The following PSMD1 variants were observed in gnomAD, a reference collection of about 807,000 sequenced individuals.
The protein encoded by PSMD1 is proteasome 26S subunit, non-ATPase 1, also known as 26S proteasome non-ATPase regulatory subunit 1.
Under a neutral mutation model 119.0 loss-of-function variants are expected in PSMD1, and 18 were observed. The ratio of observed to expected loss-of-function variants is 0.15; its 90% CI spans 0.10 to 0.22. The LOEUF (loss-of-function observed/expected upper bound fraction) is 0.22. Ranked by LOEUF, PSMD1 falls within the 10% of genes least tolerant of loss-of-function variation. The pLI is 1.00. For synonymous variants in PSMD1, 374 were observed against 396.6 expected, an observed-to-expected ratio of 0.94 and a Z score of 0.68; for missense variants, 702 against 1,158.5, an observed-to-expected ratio of 0.61 and a Z score of 5.72.
chr2:231,073,917 T>G (rs922602079), intron 7 of PSMD1, among the ~76,000 whole-genome samples: 4 of 152,086 alleles, frequency 2.6e-5, no homozygotes, highest in African/African-American at 9.7e-5. Flanking sequence ...AAGTAGATCC[T>G]TTTACAGAAT....
At chr2:231,085,544 A>G (rs981833334) in intron 15 of PSMD1, among the ~76,000 whole-genome samples, 6 of 152,098 alleles carry the variant, frequency 3.9e-5, no homozygotes, top group African/African-American at 1.4e-4. Context: ...AATCCCAGCT[A>G]CTCTGGAAAG....
chr2:231,121,819 G>T (rs187624977), intron 16 of PSMD1, among the ~76,000 whole-genome samples: 14 of 152,206 alleles, frequency 9.2e-5, no homozygotes, highest in Non-Finnish European at 1.8e-4. Context: ...TCAATATCAT[G>T]TATTGAATGA....
At chr2:231,122,832 G>A (rs1695592411) in intron 16 of PSMD1, among the ~76,000 whole-genome samples, 1 of 152,080 alleles carries the variant, frequency 6.6e-6, no homozygotes, top group South Asian at 2.1e-4. Flanking sequence ...GACACTCTGA[G>A]CCAAACCATT....
intron 16 of PSMD1, among the ~76,000 whole-genome samples, chr2:231,094,631 G>A (rs918689414): frequency 6.6e-6 from 1 of 152,102 alleles, no homozygotes; most frequent in African/African-American, 2.4e-5. Flanking sequence ...ATGAGTAAGG[G>A]AATTATGTGG....
chr2:231,142,636 T>A (rs12615903), intron 17 of PSMD1, among the ~76,000 whole-genome samples: 6,846 of 152,242 alleles, frequency 0.045, 174 homozygotes, highest in East Asian at 0.11. Context: ...GACTTTTTTT[T>A]AATTATTTCT....
chr2:231,141,655 C>T (rs192897271), intron 17 of PSMD1, among the ~76,000 whole-genome samples: 1 of 151,704 alleles, frequency 6.6e-6, no homozygotes, highest in Admixed American at 6.6e-5. Flanking sequence ...ACAGCACTTA[C>T]CACCACCTGA....
intron 16 of PSMD1, chr2:231,123,604 A>C (rs766346933): frequency 1.2e-6 from 2 of 1,614,134 alleles, no homozygotes; most frequent in Admixed American, 3.3e-5. Flanking sequence ...TGCCCAGTGC[A>C]GTTTATTTCC....
intron 16 of PSMD1, among the ~76,000 whole-genome samples, chr2:231,120,827 G>A (rs78881833): frequency 0.022 from 3,401 of 152,258 alleles, 133 homozygotes; most frequent in African/African-American, 0.078. Flanking sequence ...TTGTACAAAC[G>A]TTAGAAGTCC....
intron 16 of PSMD1, among the ~76,000 whole-genome samples, chr2:231,119,944 G>A (rs374416524): frequency 2.7e-5 from 4 of 147,042 alleles, no homozygotes; most frequent in African/African-American, 9.9e-5. Flanking sequence ...ATATCTTCCC[G>A]TGTTACTTTT....
rs1694094825 is a variant in PSMD1 at position 231,073,736 on chromosome 2, T to G, written c.881+1321T>G. 2.0e-5 allele frequency among the ~76,000 whole-genome samples: 3 copies of G among 152,112 alleles called. No homozygotes were observed. In the South Asian group the frequency reaches 6.2e-4, roughly 31 times the overall value. Reference sequence around the variant, plus strand: ...TCTTAAATTAATGTTCTTATATCCCTAAGTATAATTTGTTTTTTGATGCTG... The same window carrying G: ...TCTTAAATTAATGTTCTTATATCCCGAAGTATAATTTGTTTTTTGATGCTG... On this transcript the variant is annotated intron_variant, in intron 7 of 24. Coordinates refer to ENST00000308696, the MANE Select transcript of PSMD1 (RefSeq NM_002807.4).
At chr2:231,156,566 AATAG>A (rs1331374227) in intron 19 of PSMD1, among the ~76,000 whole-genome samples, 3 of 152,070 alleles carry the variant, frequency 2.0e-5, no homozygotes, top group Non-Finnish European at 2.9e-5. Flanking sequence ...ATTTTGTTTT[AATAG>A]ATAAAGTTTT....
Position 231,072,198 on chromosome 2 carries a change from T to G in PSMD1, c.664T>G (p.Phe222Val). Residue 222 changes from phenylalanine (F) to valine (V), a missense_variant, in exon 7 of 25, where the codon TTC (phenylalanine) becomes GTC (valine). Around this residue, in one of 9 missense-constraint regions of PSMD1, gnomAD observed 32 missense variants for 77.1 expected, o/e 0.42. Coordinates refer to ENST00000308696, the MANE Select transcript of PSMD1 (RefSeq NM_002807.4). ...DFINVCQCLI[F>V]LDDPQAVSDI... is the part of the protein sequence containing the mutation. ...TTTATCTCCATTTCAGTGCTTAATT[T>G]TCTTAGATGATCCTCAGGCTGTGAG... 6.2e-7 allele frequency: 1 copy of G among 1,611,174 alleles called. No homozygotes were observed. Among genetic ancestry groups the G allele is most frequent in the Non-Finnish European group, 8.5e-7 (1 of 1,177,396 alleles).
chr2:231,156,136 T>C (rs982246608), intron 19 of PSMD1, among the ~76,000 whole-genome samples: 1 of 152,204 alleles, frequency 6.6e-6, no homozygotes, highest in Non-Finnish European at 1.5e-5. Context: ...AGGTTATCTG[T>C]ACTAAGTCTA....
intron 18 of PSMD1, among the ~76,000 whole-genome samples, chr2:231,147,572 G>A (rs1259158825): frequency 6.6e-6 from 1 of 152,166 alleles, no homozygotes; most frequent in African/African-American, 2.4e-5. Flanking sequence ...CATGTATCTT[G>A]TCATTTCAGC....
chr2:231,102,350 C>T (rs746306523), intron 16 of PSMD1, among the ~76,000 whole-genome samples: 6 of 152,100 alleles, frequency 3.9e-5, no homozygotes, highest in Non-Finnish European at 8.8e-5. Flanking sequence ...GACCCTTGAA[C>T]AATACGGGAG....
At position 231,161,514 on chromosome 2, in the gene PSMD1, G is replaced by A. The variant is rs755976442; in HGVS notation, c.2388+5G>A. Reference sequence around the variant, plus strand: ...GGCCTTAACAAGGACTTAAAGGTATGTCTGTGAGACCTCAGCTTTGTAGTA... The same window carrying A: ...GGCCTTAACAAGGACTTAAAGGTATATCTGTGAGACCTCAGCTTTGTAGTA... On this transcript the variant is annotated splice_donor_5th_base_variant and intron_variant, in intron 20 of 24. Transcript: ENST00000308696. 3.1e-6 allele frequency: 5 copies of A among 1,610,468 alleles called. No individual in the cohort carries two copies. The highest frequency in any genetic ancestry group is 2.2e-5 in the East Asian group (1 of 44,858).
At chr2:231,117,116 A>G (rs1393526315) in intron 16 of PSMD1, among the ~76,000 whole-genome samples, 4 of 152,182 alleles carry the variant, frequency 2.6e-5, no homozygotes, top group Middle Eastern at 3.5e-3. Context: ...TTTAGTTAGT[A>G]TTAATTTAGC....
chr2:231,157,430 C>CTTTTTTTTTTTTTTTTTTTTT (rs756874279), intron 19 of PSMD1, among the ~76,000 whole-genome samples: 1 of 128,890 alleles, frequency 7.8e-6, no homozygotes, highest in Non-Finnish European at 1.7e-5. Context: ...TTTTCTTTTT[C>CTTTTTTTTTTTTTTTTTTTTT]TTTTTTTTTT....
chr2:231,076,246 A>C (rs1472959), intron 8 of PSMD1, among the ~76,000 whole-genome samples: 1 of 152,004 alleles, frequency 6.6e-6, no homozygotes. Context: ...TAATGTTTGC[A>C]GCGTATTGGA....
Sources: allele counts gnomAD v4.1 joint callset (sites outside exome capture counted in the v4.1 genomes callset), GRCh38; gene constraint gnomAD v4.1.1; regional missense constraint gnomAD v4.1.1; transcripts MANE v1.5; gene names NCBI Gene and HGNC (gene_info 2026-07-23, HGNC 2026-07-21).